POLA1: variants seen among roughly 807,000 people sequenced by gnomAD.
POLA1 encodes DNA polymerase alpha catalytic subunit.
POLA1 carries 15 observed loss-of-function variants against 124.0 expected under a neutral mutation model. The ratio of observed to expected loss-of-function variants is 0.12; its 90% CI spans 0.08 to 0.19. The LOEUF is 0.19. Among genes scored for constraint, POLA1 ranks in the 10% least tolerant of loss-of-function variants. POLA1 has a pLI of 1.00. For synonymous variants in POLA1, 408 were observed against 389.4 expected, an observed-to-expected ratio of 1.05 and a Z score of -0.56; for missense variants, 886 against 1,103.4, an observed-to-expected ratio of 0.80 and a Z score of 2.79.
In POLA1 at chrX:24,810,810, T is replaced by C; in HGVS notation, c.3090+10T>C. 1 of 852,515 alleles carries C rather than the reference T, an allele frequency of 1.2e-6. No homozygotes were observed. Among genetic ancestry groups the C allele is most frequent in the Non-Finnish European group, 1.7e-6 (1 of 582,012 alleles). 70.3% of individuals were successfully genotyped at this position (852,515 alleles called of 1,213,427 possible). On this transcript the variant is annotated intron_variant, in intron 28 of 36. Coordinates refer to ENST00000379068, the MANE Select transcript of POLA1 (RefSeq NM_001330360.2). ...TAAGTTGGGAAACAAGGTGAGATAA[T>C]TTTATGAAATTATCTGCTTTACCTA...
At chrX:24,986,926 G>C (rs1344370970) in intron 36 of POLA1, among the ~76,000 whole-genome samples, 2 of 111,170 alleles carry the variant, frequency 1.8e-5, no homozygotes, top group African/African-American at 6.6e-5. Context: ...TCTCTGATAG[G>C]CAGCTTCTAA....
At chrX:24,903,925 T>TTTTC (rs1169850251) in intron 35 of POLA1, among the ~76,000 whole-genome samples, 1 of 108,148 alleles carries the variant, frequency 9.2e-6, no homozygotes, top group Non-Finnish European at 1.9e-5. Flanking sequence ...TTTTTTTCTT[T>TTTTC]TTTCTTTCTT....
intron 26 of POLA1, among the ~76,000 whole-genome samples, chrX:24,769,623 G>T (rs2044984498): frequency 9.0e-6 from 1 of 111,699 alleles, no homozygotes; most frequent in African/African-American, 3.3e-5. Flanking sequence ...CAAGCCTCTG[G>T]CATTGGTGGT....
rs746653986 is a variant in POLA1, at chrX:24,904,425, G to T, written c.4164+16303G>T. 3.2e-3 allele frequency among the ~76,000 whole-genome samples: 320 copies of T among 98,777 alleles called. 2 individuals carry two copies. Among genetic ancestry groups the T allele is most frequent in the African/African-American group, 0.011 (289 of 27,353 alleles). 85.8% of individuals were successfully genotyped at this position (98,777 alleles called of 115,157 possible). ...GTAGAAATCCCCATGGCTTTCTTTT[G>T]TTTTTTTTTTTTTTCTTCATGCCCT... On this transcript the variant is annotated intron_variant, in intron 35 of 36. Coordinates refer to ENST00000379068, the MANE Select transcript of POLA1 (RefSeq NM_001330360.2).
At chrX:24,712,149 G>A (rs566244283) in intron 4 of POLA1, among the ~76,000 whole-genome samples, 11 of 110,935 alleles carry the variant, frequency 9.9e-5, no homozygotes, top group African/African-American at 3.3e-4. Flanking sequence ...GCAGTGGTGC[G>A]GTCTCAGGTC....
At chrX:24,890,018 A>G (rs2047121481) in intron 35 of POLA1, among the ~76,000 whole-genome samples, 1 of 111,005 alleles carries the variant, frequency 9.0e-6, no homozygotes, top group Non-Finnish European at 1.9e-5. Context: ...ATCACAATGA[A>G]GATATATACT....
intron 32 of POLA1, among the ~76,000 whole-genome samples, chrX:24,837,362 G>A (rs897100874): frequency 9.9e-5 from 11 of 111,384 alleles, no homozygotes; most frequent in African/African-American, 3.6e-4. Context: ...TACTCTTTTT[G>A]TGTGCAACTT....
At chrX:24,814,892 A>C in intron 29 of POLA1, 87 bp from the exon 30 acceptor site, 19 of 821,256 alleles carry the variant, frequency 2.3e-5, no homozygotes, top group Admixed American at 3.7e-5. Flanking sequence ...ATCTAATGGC[A>C]TTTCTCTTCC....
At chrX:24,787,255 C>A (rs1410389602) in intron 26 of POLA1, among the ~76,000 whole-genome samples, 1 of 111,496 alleles carries the variant, frequency 9.0e-6, no homozygotes, top group African/African-American at 3.3e-5. Flanking sequence ...GTTGCCTGTG[C>A]TTTTGGTGTC....
At chrX:24,719,747 C>G (rs907487859) in intron 10 of POLA1, among the ~76,000 whole-genome samples, 2 of 111,996 alleles carry the variant, frequency 1.8e-5, no homozygotes, top group African/African-American at 6.5e-5. Flanking sequence ...ATGGTCCCAT[C>G]AAAACCAGAA....
rs2045713434 is a variant in POLA1, at chrX:24,801,924, G to GTGTGTGTGTGTGTGT, written c.2965-7974_2965-7973insTGTGTGTGTGTGTGT. ...ACAGAGCCACTAGGAGAGGTGGGTGGGTGTGTGTGTGTGTGTGTGTGTGTG... is the reference window on the plus strand; with the variant it reads ...ACAGAGCCACTAGGAGAGGTGGGTGGTGTGTGTGTGTGTGTGTGTGTGTGTGTGTGTGTGTGTGTG... On this transcript the variant is annotated intron_variant, in intron 26 of 36. Transcript: ENST00000379068. 2.2e-3 allele frequency among the ~76,000 whole-genome samples: 164 copies of GTGTGTGTGTGTGTGT among 74,539 alleles called. 2 individuals are homozygous for GTGTGTGTGTGTGTGT. The highest frequency in any genetic ancestry group is 5.5e-3 in the Admixed American group (33 of 6,046). The allele number at this position is 74,539 out of a possible 115,157, so 64.7% of individuals were successfully genotyped here.
chrX:24,743,897 CT>C (rs1222984310), intron 23 of POLA1, among the ~76,000 whole-genome samples: 97 of 101,084 alleles, frequency 9.6e-4, no homozygotes, highest in Admixed American at 1.1e-3. Flanking sequence ...TTCTTTTTTT[CT>C]TTTTTTTTTT....
rs764912556 is a variant in POLA1 at position 24,995,894 on chromosome X, G to A, written c.4351G>A (p.Gly1451Ser). 1.2e-4 allele frequency: 149 copies of A among 1,208,237 alleles called. No individual in the cohort carries two copies. Among genetic ancestry groups the A allele is most frequent in the Non-Finnish European group, 1.6e-4 (143 of 894,026 alleles). ...AGCAGAGCAATTCTTGTCCCGAAGT[G>A]GCTACTCCGAAGTGAATCTGAGCAA... The part of the protein sequence containing the change: ...NTAEQFLSRS[G>S]YSEVNLSKLF... Residue 1451 changes from glycine to serine, a missense_variant, in exon 37 of 37, where the codon GGC becomes AGC. This residue lies in a region of POLA1 where 313 missense variants were observed against 359.7 expected (regional missense o/e 0.87). Coordinates refer to ENST00000379068, the MANE Select transcript of POLA1 (RefSeq NM_001330360.2).
intron 36 of POLA1, among the ~76,000 whole-genome samples, chrX:24,991,526 C>T (rs2048535794): frequency 8.9e-6 from 1 of 112,563 alleles, no homozygotes; most frequent in Non-Finnish European, 1.9e-5. Context: ...CTGAACAACC[C>T]TTCCTGGTAG....
At chrX:24,951,189 A>G (rs915154503) in intron 36 of POLA1, among the ~76,000 whole-genome samples, 1 of 4,255 alleles carries the variant, frequency 2.4e-4, no homozygotes, top group Non-Finnish European at 5.2e-4. Context: ...CCCCGCCCCC[A>G]TTGCTCTCTG....
chrX:24,772,476 T>C (rs2045057862), intron 26 of POLA1, among the ~76,000 whole-genome samples: 1 of 110,908 alleles, frequency 9.0e-6, no homozygotes, highest in Non-Finnish European at 1.9e-5. Context: ...TTGTATACAT[T>C]ATTTTGTCAT....
At chrX:24,795,090 A>C (rs17217836) in intron 26 of POLA1, among the ~76,000 whole-genome samples, 1 of 111,067 alleles carries the variant, frequency 9.0e-6, no homozygotes, top group Non-Finnish European at 1.9e-5. Flanking sequence ...TTAATTTTAC[A>C]TGCTCTTAGC....
At chrX:24,894,054 T>G (rs1208815979) in intron 35 of POLA1, among the ~76,000 whole-genome samples, 6 of 111,777 alleles carry the variant, frequency 5.4e-5, no homozygotes, top group Non-Finnish European at 1.1e-4. Flanking sequence ...GAGTGTTCCC[T>G]TCTAGACCCA....
chrX:24,762,715 C>T (rs890579982), intron 26 of POLA1, among the ~76,000 whole-genome samples: 4 of 110,227 alleles, frequency 3.6e-5, no homozygotes, highest in African/African-American at 9.9e-5. Flanking sequence ...GCCACGTTGA[C>T]CAAGAGGCAG....
Sources: gnomAD v4.1 joint callset for allele counts (sites outside exome capture counted in the v4.1 genomes callset) on GRCh38, gnomAD v4.1.1 for gene constraint, gnomAD v4.1.1 regional missense constraint, MANE v1.5 for transcripts, NCBI Gene and HGNC (gene_info 2026-07-23, HGNC 2026-07-21) for gene names.